ZNF827: variants seen among roughly 807,000 people sequenced by gnomAD.
The protein encoded by ZNF827 is zinc finger protein 827.
A neutral mutation model predicts 102.4 loss-of-function variants in ZNF827; 13 were observed. The ratio of observed to expected loss-of-function variants is 0.13; its 90% CI spans 0.08 to 0.20. ZNF827 has a LOEUF of 0.20. Ranked by LOEUF, ZNF827 falls within the 10% of genes least tolerant of loss-of-function variation. The probability of loss-of-function intolerance (pLI) is 1.00; values close to 1 mark genes in which losing one functional copy is unlikely to be tolerated. For synonymous variants in ZNF827, 523 were observed against 536.2 expected (o/e 0.98, Z 0.34); for missense variants, 1,103 against 1,344.4 (o/e 0.82, Z 2.81).
chr4:145,773,026 C>A (rs753610614), intron 11 of ZNF827, among the ~76,000 whole-genome samples: 1 of 151,920 alleles, frequency 6.6e-6, no homozygotes, highest in Non-Finnish European at 1.5e-5. Context: ...GGCTTTGGAG[C>A]AGGATGGGAG....
intron 2 of ZNF827, among the ~76,000 whole-genome samples, chr4:145,895,661 A>C (rs980500624): frequency 6.6e-6 from 1 of 152,202 alleles, no homozygotes; most frequent in African/African-American, 2.4e-5. Context: ...CACCGATAAC[A>C]TCTACATTTT....
At chr4:145,797,405 A>G (rs972127741) in intron 8 of ZNF827, among the ~76,000 whole-genome samples, 2 of 152,190 alleles carry the variant, frequency 1.3e-5, no homozygotes, top group African/African-American at 4.8e-5. Flanking sequence ...CTGCTCTTCT[A>G]TAATAACAGC....
chr4:145,881,995 T>C (rs1749708683), intron 4 of ZNF827, among the ~76,000 whole-genome samples: 1 of 152,202 alleles, frequency 6.6e-6, no homozygotes, highest in African/African-American at 2.4e-5. Flanking sequence ...GTCCAGGGCC[T>C]ATCCCAGTGA....
intron 7 of ZNF827, among the ~76,000 whole-genome samples, chr4:145,833,740 CTCTGCACCCCAATCCCTTATT>C (rs1744513802): frequency 1.3e-5 from 2 of 151,656 alleles, no homozygotes; most frequent in Admixed American, 1.3e-4. Flanking sequence ...CCTCTTATAT[CTCTGCACCCCAATCCCTTATT>C]TCTGCACCCC....
chr4:145,766,462 C>T (rs1036413483), intron 11 of ZNF827, among the ~76,000 whole-genome samples: 4 of 152,104 alleles, frequency 2.6e-5, no homozygotes, highest in African/African-American at 9.7e-5. Flanking sequence ...AAGAGGTGAG[C>T]CATATGACTG....
Position 145,904,454 on chromosome 4 carries a change from C to T in ZNF827, c.44-1239G>A, listed in dbSNP as rs748209840. Among the ~76,000 whole-genome samples the T allele has an allele frequency of 3.4e-4, 51 of 152,158 alleles. 1 individual carries two copies. The highest frequency in any genetic ancestry group is 1.0e-4 in the Non-Finnish European group (7 of 68,036). On this transcript the variant is annotated intron_variant, in intron 1 of 14. Transcript: ENST00000508784. ...GGAGTAATGGGTGGGAAGAGAGCTG[C>T]AATTTTAAACAGGTGGTCAAGGTGG...
intron 5 of ZNF827, among the ~76,000 whole-genome samples, chr4:145,863,940 T>A (rs753735812): frequency 3.9e-5 from 6 of 152,238 alleles, no homozygotes; most frequent in Middle Eastern, 3.4e-3. Context: ...ACCCCTGTAA[T>A]CCTAGCACTT....
At position 145,761,139 on chromosome 4, in the gene ZNF827, C is replaced by T. The variant is rs540816289; in HGVS notation, c.*477G>A. 36 of 1,289,766 alleles carry T rather than the reference C, an allele frequency of 2.8e-5. No individual in the cohort carries two copies. In the South Asian group the frequency reaches 3.1e-4, roughly 11 times the overall value. 79.9% of individuals were successfully genotyped at this position (1,289,766 alleles called of 1,614,324 possible). A position where few individuals can be genotyped will look rare whatever the true frequency, so the allele number is the denominator to read the frequency against. On this transcript the variant is annotated 3_prime_UTR_variant, in exon 15 of 15. Transcript: ENST00000508784. This position sits in a 1 kb window ranked among gnomAD's most constrained non-coding sequence, Gnocchi z 6.8. ...CCAGGAGCGGGGCCCCCGGGCCGGC[C>T]GGTTCCTTGGGGGCTGGACACAGGC... is the stretch of plus-strand genomic sequence containing the variant.
At chr4:145,837,862 T>C (rs1341389000) in intron 7 of ZNF827, among the ~76,000 whole-genome samples, 2 of 151,882 alleles carry the variant, frequency 1.3e-5, no homozygotes, top group African/African-American at 4.9e-5. Flanking sequence ...CCCCACAATA[T>C]CACCCCTTAC....
intron 5 of ZNF827, among the ~76,000 whole-genome samples, chr4:145,859,991 G>A (rs754226550): frequency 6.6e-5 from 10 of 152,296 alleles, no homozygotes; most frequent in Non-Finnish European, 1.5e-4. Flanking sequence ...CTGATTAAAC[G>A]TGTAATTCTG....
intron 1 of ZNF827, among the ~76,000 whole-genome samples, chr4:145,906,231 T>A (rs1751861729): frequency 6.6e-6 from 1 of 152,190 alleles, no homozygotes; most frequent in South Asian, 2.1e-4. Flanking sequence ...AACGACGACT[T>A]CTAGAGAGCT....
chr4:145,852,066 T>TA (rs2126670062), intron 5 of ZNF827, among the ~76,000 whole-genome samples: 1 of 152,318 alleles, frequency 6.6e-6, no homozygotes, highest in African/African-American at 2.4e-5. Flanking sequence ...CATAGGTACA[T>TA]AATGATGCGT....
At chr4:145,895,442 G>T (rs1750905032) in intron 2 of ZNF827, among the ~76,000 whole-genome samples, 1 of 152,050 alleles carries the variant, frequency 6.6e-6, no homozygotes, top group East Asian at 1.9e-4. Context: ...CACAAGTTGG[G>T]TACAAATTAG....
At chr4:145,885,558 T>A in intron 4 of ZNF827, 120 bp downstream of exon 4, 1 of 1,375,608 alleles carries the variant, frequency 7.3e-7, no homozygotes, top group Non-Finnish European at 9.5e-7. Context: ...GACCTTGAAA[T>A]CATCTAGTTC....
At chr4:145,917,194 C>G (rs1216292134) in intron 1 of ZNF827, among the ~76,000 whole-genome samples, 1 of 152,162 alleles carries the variant, frequency 6.6e-6, no homozygotes, top group South Asian at 2.1e-4. Flanking sequence ...TCCACATTTT[C>G]AAATATTTGT....
chr4:145,780,427 C>A (rs530805467), intron 8 of ZNF827, among the ~76,000 whole-genome samples: 6 of 152,286 alleles, frequency 3.9e-5, no homozygotes, highest in African/African-American at 1.4e-4. Context: ...CAAGAATGAA[C>A]CAGAATTTCC....
At chr4:145,934,890 A>G (rs1579607670) in intron 1 of ZNF827, among the ~76,000 whole-genome samples, 1 of 152,238 alleles carries the variant, frequency 6.6e-6, no homozygotes, top group Admixed American at 6.5e-5. Flanking sequence ...TTCAGTTTTC[A>G]TAAGTTCCTT....
chr4:145,765,838 T>C lies in ZNF827; in HGVS notation c.2861-100A>G, dbSNP rs1305492424. 3.2e-6 allele frequency: 4 copies of C among 1,234,942 alleles called. No homozygotes were observed. Among genetic ancestry groups the C allele is most frequent in the Non-Finnish European group, 4.5e-6 (4 of 893,694 alleles). 76.5% of individuals were successfully genotyped at this position (1,234,942 alleles called of 1,614,324 possible). On this transcript the variant is annotated intron_variant, in intron 11 of 14. Coordinates refer to ENST00000508784, the MANE Select transcript of ZNF827 (RefSeq NM_001306215.2). This position sits in a 1 kb window ranked among gnomAD's most constrained non-coding sequence, Gnocchi z 4.7. Reference sequence around the variant, plus strand: ...GTTGAGTCTCATGGATGCATCATCATTCTGGGGGCACAGGCTCATGTCCCC... The same window carrying C: ...GTTGAGTCTCATGGATGCATCATCACTCTGGGGGCACAGGCTCATGTCCCC...
At chr4:145,770,197 G>A (rs1202737837) in intron 11 of ZNF827, among the ~76,000 whole-genome samples, 1 of 152,120 alleles carries the variant, frequency 6.6e-6, no homozygotes, top group Non-Finnish European at 1.5e-5. Flanking sequence ...TACTCAGGGG[G>A]CTGAGACACG....
Sources: allele counts gnomAD v4.1 joint callset (sites outside exome capture counted in the v4.1 genomes callset), GRCh38; gene constraint gnomAD v4.1.1; non-coding constraint Gnocchi (gnomAD v3.1); transcripts MANE v1.5; gene names NCBI Gene and HGNC (gene_info 2026-07-23, HGNC 2026-07-21).